The following YTHDF3 variants were observed in gnomAD, a reference collection of about 807,000 sequenced individuals.
YTHDF3 encodes YTH N6-methyladenosine RNA binding protein F3.
YTHDF3 carries 9 observed loss-of-function variants against 52.5 expected under a neutral mutation model. The observed-to-expected ratio is 0.17, with a 90% CI of 0.10 to 0.30. The LOEUF (loss-of-function observed/expected upper bound fraction) is 0.30. Among genes scored for constraint, YTHDF3 ranks in the 10% least tolerant of loss-of-function variants. The pLI is 1.00. For missense variants in YTHDF3, 534 were observed against 715.0 expected (o/e 0.75, Z 2.89); for synonymous variants, 274 against 243.3 (o/e 1.13, Z -1.18).
intron 4 of YTHDF3, among the ~76,000 whole-genome samples, chr8:63,202,713 T>C (rs1369561004): frequency 6.6e-6 from 1 of 152,096 alleles, no homozygotes; most frequent in Non-Finnish European, 1.5e-5. Context: ...GCCACCCGCC[T>C]GAGCCTCCCA....
chr8:63,191,218 TATGA>T (rs1468841797), intron 4 of YTHDF3, among the ~76,000 whole-genome samples: 1 of 152,210 alleles, frequency 6.6e-6, no homozygotes, highest in African/African-American at 2.4e-5. Context: ...ACGTGTACAA[TATGA>T]ATATTGTTTT....
intron 2 of YTHDF3, chr8:63,169,612 A>G (rs1451519740): frequency 5.1e-6 from 3 of 588,698 alleles, no homozygotes; most frequent in Non-Finnish European, 9.1e-6. Context: ...ATAGAAACCA[A>G]AGTAGTACGA....
chr8:63,190,106 A>AT lies in YTHDF3; in HGVS notation c.1734+2362dup, dbSNP rs377675170. ...ATTTTTAGATTGTGCTGATTTTAAG[A>AT]TACCTTTGAGAAATATAGGCAGCAA... On this transcript the variant is annotated intron_variant, in intron 4 of 4. Coordinates refer to ENST00000539294, the MANE Select transcript of YTHDF3 (RefSeq NM_152758.6). 1.8e-3 allele frequency among the ~76,000 whole-genome samples: 268 copies of AT among 152,302 alleles called. 2 individuals are homozygous for AT. The highest frequency in any genetic ancestry group is 6.1e-3 in the African/African-American group (255 of 41,558).
intron 3 of YTHDF3, among the ~76,000 whole-genome samples, chr8:63,180,375 G>A (rs1417787641): frequency 6.6e-6 from 1 of 151,558 alleles, no homozygotes; most frequent in African/African-American, 2.4e-5. Flanking sequence ...CTCAGACGAT[G>A]GGCGGCTGGG....
rs746308100 is a variant in YTHDF3 at position 63,169,372 on chromosome 8, C to T, written c.25-15C>T. ...TTTTTCTCCTCTTTACCGCATCTTT[C>T]GTCTTGCAACACAGAGACCTAAAGG... On this transcript the variant is annotated splice_polypyrimidine_tract_variant and intron_variant, in intron 1 of 4. Coordinates refer to ENST00000539294, the MANE Select transcript of YTHDF3 (RefSeq NM_152758.6). The T allele has an allele frequency of 3.8e-6, 6 of 1,599,646 alleles. No homozygotes were observed. The highest frequency in any genetic ancestry group is 2.2e-5 in the South Asian group (2 of 89,182).
At chr8:63,193,348 C>T (rs893344134) in intron 4 of YTHDF3, among the ~76,000 whole-genome samples, 1 of 144,900 alleles carries the variant, frequency 6.9e-6, no homozygotes. Flanking sequence ...TCCACTCCAG[C>T]CTGGGTGACA....
rs55855007 is a variant in YTHDF3 at position 63,209,667 on chromosome 8, GTT to G, written c.1735-5_1735-4del. 75 of 1,248,374 alleles carry G rather than the reference GTT, an allele frequency of 6.0e-5. No homozygotes were observed. Among genetic ancestry groups the G allele is most frequent in the Admixed American group, 2.7e-4 (11 of 41,114 alleles). 77.3% of individuals were successfully genotyped at this position (1,248,374 alleles called of 1,614,324 possible). ...ATTGTAATTCTTTTTGTGTGTGTGT[GTT>G]TTTTTTTTTTCAGGAGAGAAATAGA... On this transcript the variant is annotated splice_polypyrimidine_tract_variant and intron_variant, in intron 4 of 4. Coordinates refer to ENST00000539294, the MANE Select transcript of YTHDF3 (RefSeq NM_152758.6).
At chr8:63,169,883 A>G (rs1286028816) in intron 2 of YTHDF3, among the ~76,000 whole-genome samples, 2 of 152,202 alleles carry the variant, frequency 1.3e-5, no homozygotes, top group African/African-American at 4.8e-5. Context: ...GTAATGAGGC[A>G]ACAACATGAG....
chr8:63,188,701 A>ATATATATATATATT (rs1355614739), intron 4 of YTHDF3: 5 of 61,446 alleles, frequency 8.1e-5, no homozygotes, highest in African/African-American at 4.3e-4. Context: ...ATATATATAT[A>ATATATATATATATT]TTTTTTTTTT....
chr8:63,172,684 T>C (rs1403169889), intron 2 of YTHDF3: 1 of 975,706 alleles, frequency 1.0e-6, no homozygotes, highest in South Asian at 5.2e-5. Flanking sequence ...ATCTGTTGAC[T>C]TTCCTAACTT....
intron 2 of YTHDF3, among the ~76,000 whole-genome samples, chr8:63,174,388 T>A (rs988202267): frequency 2.0e-5 from 3 of 152,264 alleles, no homozygotes; most frequent in Admixed American, 6.5e-5. Flanking sequence ...GTGATTACAT[T>A]TAAGATTATT....
chr8:63,179,124 C>T (rs1029545996), intron 3 of YTHDF3, among the ~76,000 whole-genome samples: 3 of 152,050 alleles, frequency 2.0e-5, no homozygotes, highest in Non-Finnish European at 2.9e-5. Flanking sequence ...GTTGGCCTTT[C>T]TACTTATGTG....
intron 4 of YTHDF3, among the ~76,000 whole-genome samples, chr8:63,202,238 C>G (rs1050933227): frequency 2.6e-5 from 4 of 152,148 alleles, no homozygotes; most frequent in Non-Finnish European, 5.9e-5. Context: ...TTGTCCTTTC[C>G]CCTGATAACT....
At chr8:63,200,779 A>G (rs1809580869) in intron 4 of YTHDF3, among the ~76,000 whole-genome samples, 1 of 152,188 alleles carries the variant, frequency 6.6e-6, no homozygotes. Context: ...TAGCAAATAC[A>G]ATTTTGATTG....
At position 63,173,202 on chromosome 8, in the gene YTHDF3, T is replaced by TTATATATATATA. The variant is rs545707272; in HGVS notation, c.50-2128_50-2117dup. Among the ~76,000 whole-genome samples the TTATATATATATA allele has an allele frequency of 5.6e-4, 70 of 125,912 alleles. 2 individuals are homozygous for TTATATATATATA. In the East Asian group the frequency reaches 0.012, roughly 22 times the overall value. The allele number at this position is 125,912 out of a possible 152,430, so 82.6% of individuals were successfully genotyped here. Reference sequence around the variant, plus strand: ...AAAAATAAGAATAACAGGATTATATTTATATATATATACAGATAAATTTTA... The same window carrying TTATATATATATA: ...AAAAATAAGAATAACAGGATTATATTTATATATATATATATATATATATACAGATAAATTTTA... On this transcript the variant is annotated intron_variant, in intron 2 of 4. Coordinates refer to ENST00000539294, the MANE Select transcript of YTHDF3 (RefSeq NM_152758.6).
At position 63,186,920 on chromosome 8, in the gene YTHDF3, G is replaced by A. The variant is rs1808550784; in HGVS notation, c.909G>A (p.Gln303=). The change falls in exon 4 of 5, where the codon CAG becomes CAA. Residue 303 remains glutamine (Q), a synonymous_variant. Coordinates refer to ENST00000539294, the MANE Select transcript of YTHDF3 (RefSeq NM_152758.6). The part of the protein sequence containing the change: ...PVLPPQTIIQ[Q]PQPLIQPPPL... ...TGCCTCCTCAAACTATAATCCAGCA[G>A]CCTCAGCCATTAATTCAACCACCAC... 6.2e-7 allele frequency: 1 copy of A among 1,613,844 alleles called. No individual in the cohort carries two copies. Among genetic ancestry groups the A allele is most frequent in the Non-Finnish European group, 8.5e-7 (1 of 1,179,900 alleles).
At chr8:63,201,269 A>G (rs999985997) in intron 4 of YTHDF3, among the ~76,000 whole-genome samples, 4 of 152,174 alleles carry the variant, frequency 2.6e-5, no homozygotes, top group South Asian at 2.1e-4. Context: ...CATGCCTGTG[A>G]TCCCAGGAAT....
chr8:63,174,926 G>A (rs1807584939), intron 2 of YTHDF3, among the ~76,000 whole-genome samples: 1 of 152,076 alleles, frequency 6.6e-6, no homozygotes, highest in Admixed American at 6.5e-5. Flanking sequence ...TTTAAACAAA[G>A]GTAGAGAACA....
In YTHDF3 at chr8:63,186,848, G is replaced by T; in HGVS notation, c.837G>T (p.Trp279Cys). The part of the protein sequence containing the change: ...PIKHNMNIGT[W>C]DEKGSVVKAP... ...AACACAACATGAATATTGGAACTTG[G>T]GATGAAAAAGGGTCAGTGGTAAAGG... The change falls in exon 4 of 5, where the codon TGG (tryptophan) becomes TGT (cysteine). Residue 279 changes from tryptophan (W) to cysteine (C), a missense_variant. This residue lies in a region of YTHDF3 where 203 missense variants were observed against 201.3 expected (regional missense o/e 1.01). Coordinates refer to ENST00000539294, the MANE Select transcript of YTHDF3 (RefSeq NM_152758.6). The T allele has an allele frequency of 6.2e-7, 1 of 1,613,908 alleles. No individual in the cohort carries two copies. Among genetic ancestry groups the T allele is most frequent in the Non-Finnish European group, 8.5e-7 (1 of 1,179,878 alleles).
Sources: gnomAD v4.1 joint callset for allele counts (sites outside exome capture counted in the v4.1 genomes callset) on GRCh38, gnomAD v4.1.1 for gene constraint, gnomAD v4.1.1 regional missense constraint, MANE v1.5 for transcripts, NCBI Gene and HGNC (gene_info 2026-07-23, HGNC 2026-07-21) for gene names.